The following LMF1 variants were observed in gnomAD, a reference collection of about 807,000 sequenced individuals.
LMF1 encodes lipase maturation factor 1.
In LMF1, 68 loss-of-function variants were observed where a neutral mutation model predicts 60.6. The ratio of observed to expected loss-of-function variants is 1.12; its 90% confidence interval spans 0.92 to 1.37. The LOEUF (loss-of-function observed/expected upper bound fraction) is 1.37. LMF1 is among the 40% of genes most tolerant of loss of function. The probability of loss-of-function intolerance (pLI) is 0.00; values close to 1 mark genes in which losing one functional copy is unlikely to be tolerated. For synonymous variants in LMF1, 418 were observed against 324.7 expected, an observed-to-expected ratio of 1.29 and a Z score of -3.09; for missense variants, 948 against 767.2, an observed-to-expected ratio of 1.24 and a Z score of -2.78.
intron 10 of LMF1, among the ~76,000 whole-genome samples, chr16:860,653 T>A (rs2069435012): frequency 6.6e-6 from 1 of 152,208 alleles, no homozygotes; most frequent in African/African-American, 2.4e-5. Context: ...GAAAGTTGAT[T>A]GTCTTATGCT....
chr16:911,210 C>T, intron 3 of LMF1, 131 bp from the exon 4 acceptor site: 4 of 1,047,514 alleles, frequency 3.8e-6, no homozygotes, highest in South Asian at 2.7e-5. Flanking sequence ...GAGACACCAG[C>T]CCGCACGTAT....
chr16:884,021 T>C (rs918914460), intron 5 of LMF1: 1 of 152,274 alleles, frequency 6.6e-6, no homozygotes, highest in African/African-American at 2.4e-5. Flanking sequence ...TCTATCCATT[T>C]TTGCTTCATG....
rs746820872 is a variant in LMF1, at chr16:970,870, G to C, written c.111C>G (p.Pro37=). The C allele has an allele frequency of 1.9e-6, 3 of 1,566,878 alleles. No individual in the cohort carries two copies. The South Asian group carries it at 3.6e-5, about 19-fold the overall frequency. Residue 37 remains proline, a synonymous_variant, in exon 1 of 11, where the codon CCC becomes CCG. Coordinates refer to ENST00000262301, the MANE Select transcript of LMF1 (RefSeq NM_022773.4). ...TGTGGAGATGGGCCGGAGAGCCTGC[G>C]GGGCCACGCCCCGGCGCGGGCGGCG... ...PESPPAPGRG[P]AGSPAHLHTG...
intron 10 of LMF1, among the ~76,000 whole-genome samples, chr16:866,951 C>T (rs888143936): frequency 1.3e-5 from 2 of 152,190 alleles, no homozygotes; most frequent in East Asian, 1.9e-4. Context: ...CTCTCACCTT[C>T]GGTCTTCCTG....
intron 3 of LMF1, among the ~76,000 whole-genome samples, chr16:912,312 T>C (rs2071146126): frequency 6.6e-6 from 1 of 151,446 alleles, no homozygotes; most frequent in African/African-American, 2.4e-5. Context: ...AGTGTCTACC[T>C]GCCACAGAGA....
At chr16:924,984 C>T (rs374917020) in intron 3 of LMF1, among the ~76,000 whole-genome samples, 14 of 152,326 alleles carry the variant, frequency 9.2e-5, no homozygotes, top group South Asian at 6.2e-4. Context: ...GCCCTCCAGC[C>T]GGCAGCGGGG....
rs534392393 is a variant in LMF1, at chr16:871,235, C to A, written c.1004G>T (p.Gly335Val). Residue 335 changes from glycine (G) to valine (V), a missense_variant, in exon 7 of 11, where the codon GGG becomes GTG. Gly to Val is a moderately radical substitution (Grantham distance 109, BLOSUM62 -3). Coordinates refer to ENST00000262301, the MANE Select transcript of LMF1 (RefSeq NM_022773.4). Reference protein sequence around the residue: ...DATLGFLFPSGPGSLKDRVLQ... With the variant: ...DATLGFLFPSVPGSLKDRVLQ... ...AACTCGGTCCTTCAGGCTGCCTGGC[C>A]CAGAGGGGAACAAGAATCCCAGGGT... 53 of 1,612,240 alleles carry A rather than the reference C, an allele frequency of 3.3e-5. No individual in the cohort carries two copies. Among genetic ancestry groups the A allele is most frequent in the Admixed American group, 1.3e-4 (8 of 59,956 alleles).
At chr16:879,482 G>C in intron 6 of LMF1, 88 bp downstream of exon 6, 2 of 1,470,196 alleles carry the variant, frequency 1.4e-6, no homozygotes, top group Non-Finnish European at 1.8e-6. Flanking sequence ...AATGCCCCAG[G>C]GTCCTCCCAG....
chr16:857,166 T>C (rs955672361), intron 10 of LMF1, among the ~76,000 whole-genome samples: 2 of 152,222 alleles, frequency 1.3e-5, no homozygotes, highest in Non-Finnish European at 2.9e-5. Flanking sequence ...GTCGCTCTCT[T>C]GTGGAAGGAC....
chr16:979,790 G>A (rs982480294), intron 1 of LMF1: 3 of 453,902 alleles, frequency 6.6e-6, no homozygotes, highest in African/African-American at 2.0e-5. Flanking sequence ...GTGGAAGGTG[G>A]CACAGTTTGG....
At chr16:899,168 G>C (rs369602552) in intron 4 of LMF1, 1 of 152,240 alleles carries the variant, frequency 6.6e-6, no homozygotes, top group African/African-American at 2.4e-5. Flanking sequence ...CTTCAGCCGC[G>C]AGGAGCACCC....
intron 10 of LMF1, chr16:856,111 A>G: frequency 2.7e-6 from 1 of 373,922 alleles, no homozygotes; most frequent in South Asian, 2.0e-5. Flanking sequence ...GCCTTTGGAA[A>G]ACCTCCCGGG....
At chr16:905,454 C>T (rs929283762) in intron 4 of LMF1, among the ~76,000 whole-genome samples, 1 of 152,098 alleles carries the variant, frequency 6.6e-6, no homozygotes, top group African/African-American at 2.4e-5. Flanking sequence ...TTAATTTCAG[C>T]TGTTCTTGGG....
chr16:872,919 GCCTGCCTGGGTCAGGGTGGGC>G (rs1022691787), intron 6 of LMF1: 2 of 152,276 alleles, frequency 1.3e-5, no homozygotes, highest in African/African-American at 4.8e-5. Context: ...CTGAGCACCT[GCCTGCCTGGGTCAGGGTGGGC>G]CCTGCCTGAG....
intron 1 of LMF1, among the ~76,000 whole-genome samples, chr16:967,721 C>T (rs2072954817): frequency 1.3e-5 from 2 of 152,228 alleles, no homozygotes; most frequent in African/African-American, 4.8e-5. Flanking sequence ...ACGCCGCTGC[C>T]CAGATGTGAA....
rs1567172116 is a variant in LMF1 at position 879,494 on chromosome 16, G to A, written c.897+76C>T. The A allele has an allele frequency of 1.2e-5, 19 of 1,532,822 alleles. No individual in the cohort carries two copies. In the South Asian group the frequency reaches 2.2e-4, roughly 18 times the overall value. The allele number at this position is 1,532,822 out of a possible 1,614,324, so 95.0% of individuals were successfully genotyped here. Reference sequence around the variant, plus strand: ...TGTAATGCCCCAGGGTCCTCCCAGAGAGCGGGGCAGCCAGAAATAGGGCGA... The same window carrying A: ...TGTAATGCCCCAGGGTCCTCCCAGAAAGCGGGGCAGCCAGAAATAGGGCGA... On this transcript the variant is annotated intron_variant, in intron 6 of 10. Coordinates refer to ENST00000262301, the MANE Select transcript of LMF1 (RefSeq NM_022773.4).
intron 4 of LMF1, chr16:899,535 A>G (rs557452104): frequency 1.3e-4 from 20 of 152,316 alleles, no homozygotes; most frequent in African/African-American, 4.8e-4. Context: ...ACGGCAGCAC[A>G]TCTGCCTGAT....
intron 1 of LMF1, among the ~76,000 whole-genome samples, chr16:958,865 C>T (rs149017046): frequency 2.0e-5 from 3 of 151,476 alleles, no homozygotes; most frequent in African/African-American, 2.4e-5. Context: ...CCAGCCTCGG[C>T]GACAGAGTAA....
Position 917,475 on chromosome 16 carries a change from C to T in LMF1, c.515-6396G>A, listed in dbSNP as rs11861827. Among the ~76,000 whole-genome samples the T allele has an allele frequency of 2.9e-3, 373 of 130,136 alleles. 1 individual carries two copies. The highest frequency in any genetic ancestry group is 0.011 in the Middle Eastern group (3 of 266). The allele number at this position is 130,136 out of a possible 152,430, so 85.4% of individuals were successfully genotyped here. ...CACGTGAAGAAATGCCACACGTGTG[C>T]GCTGCGGGCGGGCGCAGGCCCACGT... On this transcript the variant is annotated intron_variant, in intron 3 of 10. Transcript: ENST00000262301.
Sources: gnomAD v4.1 joint callset for allele counts (sites outside exome capture counted in the v4.1 genomes callset) on GRCh38, gnomAD v4.1.1 for gene constraint, MANE v1.5 for transcripts, NCBI Gene and HGNC (gene_info 2026-07-23, HGNC 2026-07-21) for gene names.